Variants in NOL4 observed in about 807,000 individuals in gnomAD.
NOL4 encodes cancer/testis antigen 125.
In NOL4, 17 loss-of-function variants were observed where a neutral mutation model predicts 75.9. The observed-to-expected ratio is 0.22, with a 90% CI of 0.15 to 0.34. The LOEUF (loss-of-function observed/expected upper bound fraction) is 0.34. NOL4 is among the 10% of genes least tolerant of loss of function. NOL4 has a pLI of 1.00. For synonymous variants in NOL4, 292 were observed against 289.9 expected, an observed-to-expected ratio of 1.01 and a Z score of -0.07; for missense variants, 614 against 793.5, an observed-to-expected ratio of 0.77 and a Z score of 2.72.
At chr18:33,890,624 C>G (rs531423082) in intron 9 of NOL4, among the ~76,000 whole-genome samples, 1 of 151,976 alleles carries the variant, frequency 6.6e-6, no homozygotes, top group East Asian at 1.9e-4. Flanking sequence ...ATAATGAGAA[C>G]TTTTTAAAAT....
At chr18:34,195,148 A>G (rs534587234) in intron 1 of NOL4, among the ~76,000 whole-genome samples, 35 of 152,324 alleles carry the variant, frequency 2.3e-4, no homozygotes, top group African/African-American at 8.4e-4. Context: ...CACTTAATTC[A>G]AATTAATGAA....
At chr18:34,205,562 C>T (rs1386978627) in intron 1 of NOL4, among the ~76,000 whole-genome samples, 1 of 151,962 alleles carries the variant, frequency 6.6e-6, no homozygotes, top group African/African-American at 2.4e-5. Context: ...TGAGTTCATC[C>T]CATGAACTCT....
intron 10 of NOL4, among the ~76,000 whole-genome samples, chr18:33,855,937 G>T: frequency 6.6e-6 from 1 of 151,780 alleles, no homozygotes; most frequent in African/African-American, 2.4e-5. Flanking sequence ...ATATTTTAGT[G>T]TCATTTATCC....
At chr18:34,163,342 C>T (rs934302806) in intron 1 of NOL4, among the ~76,000 whole-genome samples, 1 of 151,390 alleles carries the variant, frequency 6.6e-6, no homozygotes, top group African/African-American at 2.4e-5. Context: ...CTAGAAAACC[C>T]CACTGTCTCA....
In NOL4 at chr18:34,108,129, T is replaced by C. The variant is rs542493197; in HGVS notation, c.415-2969A>G. Among the ~76,000 whole-genome samples the C allele has an allele frequency of 3.2e-4, 48 of 152,244 alleles. 1 individual carries two copies. The South Asian group carries it at 5.4e-3, about 17-fold the overall frequency. ...TGAAGCCATTGAAGTTAAGTTGTTA[T>C]CAGCTTAAAATAGTTTGTTATAAGT... On this transcript the variant is annotated intron_variant, in intron 2 of 10. Transcript: ENST00000261592.
intron 9 of NOL4, among the ~76,000 whole-genome samples, chr18:33,935,298 T>C (rs1388197504): frequency 6.6e-6 from 1 of 152,184 alleles, no homozygotes; most frequent in Non-Finnish European, 1.5e-5. Flanking sequence ...TTAATCATTC[T>C]AGCTTTTGAT....
intron 10 of NOL4, among the ~76,000 whole-genome samples, chr18:33,862,401 G>A (rs369615853): frequency 2.6e-5 from 4 of 152,052 alleles, no homozygotes; most frequent in Non-Finnish European, 5.9e-5. Flanking sequence ...AATGGCAACA[G>A]AAGCCAAAAT....
At chr18:33,859,370 T>C (rs1362691572) in intron 10 of NOL4, among the ~76,000 whole-genome samples, 1 of 152,190 alleles carries the variant, frequency 6.6e-6, no homozygotes, top group Non-Finnish European at 1.5e-5. Flanking sequence ...TGAAAGAATA[T>C]GTATTGTTAG....
At chr18:33,910,888 C>T (rs996491427) in intron 9 of NOL4, among the ~76,000 whole-genome samples, 3 of 152,130 alleles carry the variant, frequency 2.0e-5, no homozygotes, top group Non-Finnish European at 4.4e-5. Flanking sequence ...TGTTGCATCA[C>T]TTAATATTTC....
chr18:33,993,171 T>A (rs1299864740), intron 6 of NOL4, among the ~76,000 whole-genome samples: 1 of 151,964 alleles, frequency 6.6e-6, no homozygotes, highest in Non-Finnish European at 1.5e-5. Flanking sequence ...CTGAGTTTTA[T>A]TGCCTTAGTC....
chr18:33,952,772 A>G (rs986651653), intron 8 of NOL4, among the ~76,000 whole-genome samples: 2 of 152,142 alleles, frequency 1.3e-5, no homozygotes, highest in Admixed American at 1.3e-4. Context: ...TAAAAATACA[A>G]AAGTAGCCAG....
At chr18:33,886,776 T>TATATATCTATAGATATATCTATAG (rs1568009095) in intron 9 of NOL4, among the ~76,000 whole-genome samples, 32 of 142,364 alleles carry the variant, frequency 2.2e-4, no homozygotes, top group African/African-American at 8.4e-4. Flanking sequence ...TATATCTATA[T>TATATATCTATAGATATATCTATAG]ATATATATCT....
At chr18:33,931,421 T>C (rs558032519) in intron 9 of NOL4, among the ~76,000 whole-genome samples, 1 of 152,222 alleles carries the variant, frequency 6.6e-6, no homozygotes, top group South Asian at 2.1e-4. Context: ...GAATTGTATC[T>C]GTTCCCCTGG....
chr18:34,086,047 TAAAG>T (rs1195841668), intron 5 of NOL4, among the ~76,000 whole-genome samples: 1 of 152,132 alleles, frequency 6.6e-6, no homozygotes, highest in Non-Finnish European at 1.5e-5. Context: ...GCAACTGCCA[TAAAG>T]AGAGTTTTCT....
At chr18:33,971,256 C>T (rs756794233) in intron 6 of NOL4, among the ~76,000 whole-genome samples, 1 of 152,100 alleles carries the variant, frequency 6.6e-6, no homozygotes, top group Admixed American at 6.5e-5. Flanking sequence ...AATGCAGTTA[C>T]GTTTGTTGGT....
chr18:34,096,205 A>T (rs1189257898), intron 4 of NOL4, among the ~76,000 whole-genome samples: 1 of 152,050 alleles, frequency 6.6e-6, no homozygotes, highest in African/African-American at 2.4e-5. Context: ...TTTGTAATTA[A>T]AAAAACCATG....
At chr18:34,016,554 C>G (rs988256185) in intron 6 of NOL4, among the ~76,000 whole-genome samples, 1 of 152,076 alleles carries the variant, frequency 6.6e-6, no homozygotes, top group Non-Finnish European at 1.5e-5. Flanking sequence ...CAGGTACGCT[C>G]TCTCATGGCT....
chr18:33,999,854 A>C (rs929864592), intron 6 of NOL4, among the ~76,000 whole-genome samples: 1 of 152,024 alleles, frequency 6.6e-6, no homozygotes, highest in Admixed American at 6.6e-5. Flanking sequence ...GGGTTTCACC[A>C]TGTTGGCCTG....
Position 33,873,245 on chromosome 18 carries a change from T to C in NOL4, c.1723+9999A>G, listed in dbSNP as rs74559588. Among the ~76,000 whole-genome samples the C allele has an allele frequency of 8.2e-3, 1,250 of 152,126 alleles. 18 individuals carry two copies. The highest frequency in any genetic ancestry group is 0.028 in the African/African-American group (1,159 of 41,546). Reference sequence around the variant, plus strand: ...CTACAAAGTTTTACATAATAGACTTTATGTGTTTTTCACACAAAAGAAACA... The same window carrying C: ...CTACAAAGTTTTACATAATAGACTTCATGTGTTTTTCACACAAAAGAAACA... On this transcript the variant is annotated intron_variant, in intron 10 of 10. Transcript: ENST00000261592.
Sources: allele counts gnomAD v4.1 joint callset (sites outside exome capture counted in the v4.1 genomes callset), GRCh38; gene constraint gnomAD v4.1.1; transcripts MANE v1.5; gene names NCBI Gene and HGNC (gene_info 2026-07-23, HGNC 2026-07-21).